Variants in PXDN observed in about 807,000 individuals in gnomAD.
PXDN encodes peroxidasin homolog.
In PXDN, 77 loss-of-function variants were observed where a neutral mutation model predicts 140.3. The observed-to-expected ratio is 0.55, with a 90% CI of 0.46 to 0.66. The LOEUF is 0.66. Among genes scored for constraint, PXDN ranks in the 30% least tolerant of loss-of-function variants. PXDN has a pLI of 0.00. For synonymous variants in PXDN, 911 were observed against 857.4 expected, an observed-to-expected ratio of 1.06 and a Z score of -1.09; for missense variants, 1,838 against 2,039.5, an observed-to-expected ratio of 0.90 and a Z score of 1.90.
At chr2:1,721,559 G>A (rs547834823) in intron 1 of PXDN, among the ~76,000 whole-genome samples, 26 of 152,308 alleles carry the variant, frequency 1.7e-4, no homozygotes, top group Admixed American at 4.6e-4. Flanking sequence ...CAAATTGGCC[G>A]GGTGCGGTGG....
chr2:1,675,155 T>C (rs1168203514), intron 8 of PXDN, among the ~76,000 whole-genome samples: 2 of 152,116 alleles, frequency 1.3e-5, no homozygotes, highest in Non-Finnish European at 2.9e-5. Flanking sequence ...CTCTCTCTGA[T>C]GTGGCCCAAT....
chr2:1,677,211 C>A (rs546681565), intron 7 of PXDN, among the ~76,000 whole-genome samples, 167 bp from the exon 8 acceptor site: 1 of 152,296 alleles, frequency 6.6e-6, no homozygotes, highest in South Asian at 2.1e-4. Context: ...TTCTCTACAG[C>A]CCCGTCTATG....
intron 1 of PXDN, among the ~76,000 whole-genome samples, chr2:1,710,611 C>G (rs1684734756): frequency 6.9e-6 from 1 of 144,084 alleles, no homozygotes; most frequent in Admixed American, 6.8e-5. Flanking sequence ...CCACTCTCCA[C>G]CAGCACCCAC....
Position 1,744,317 on chromosome 2 carries a change from C to T in PXDN, c.139G>A (p.Val47Met). ...PSRCLCFRTTVRCMHLLLEAV... is the reference protein window; with the variant it reads ...PSRCLCFRTTMRCMHLLLEAV... Reference sequence around the variant, plus strand: ...TCCAGCAGCAGATGCATGCAGCGCACGGTGGTGCGGAAGCACAGGCAGCGG... The same window carrying T: ...TCCAGCAGCAGATGCATGCAGCGCATGGTGGTGCGGAAGCACAGGCAGCGG... Residue 47 changes from valine (V) to methionine (M), a missense_variant, in exon 1 of 23, where the codon GTG becomes ATG. Physicochemically the swap from Val to Met is conservative, Grantham distance 21 (BLOSUM62 1). Transcript: ENST00000252804. 6.5e-7 allele frequency: 1 copy of T among 1,528,356 alleles called. No individual in the cohort carries two copies. Among genetic ancestry groups the T allele is most frequent in the Non-Finnish European group, 8.7e-7 (1 of 1,143,908 alleles). The allele number at this position is 1,528,356 out of a possible 1,614,324, so 94.7% of individuals were successfully genotyped here. A position where few individuals can be genotyped will look rare whatever the true frequency, so the allele number is the denominator to read the frequency against.
chr2:1,639,277 C>T lies in PXDN; in HGVS notation c.4073+25G>A, dbSNP rs538304764. ...GCGGTGCGAGGGCCCCTCTGCACAT[C>T]ATTTGACCTCAGAGACCACCATACC... On this transcript the variant is annotated intron_variant, in intron 20 of 22. Transcript: ENST00000252804. This position sits in a 1 kb window ranked among gnomAD's most constrained non-coding sequence, Gnocchi z 5.0. The T allele has an allele frequency of 4.1e-5, 66 of 1,603,348 alleles. No homozygotes were observed. The African/African-American group carries it at 7.3e-4, about 18-fold the overall frequency.
chr2:1,676,654 C>T (rs1683723795), intron 8 of PXDN: 2 of 499,634 alleles, frequency 4.0e-6, no homozygotes, highest in African/African-American at 1.9e-5. Flanking sequence ...CTCCCTCCCA[C>T]CGGGAAGGGC....
chr2:1,641,089 A>G (rs1682717495), intron 19 of PXDN, among the ~76,000 whole-genome samples: 1 of 152,256 alleles, frequency 6.6e-6, no homozygotes, highest in South Asian at 2.1e-4. Flanking sequence ...CACTTGTTGT[A>G]GGCATCAACG....
rs1684096561 is a variant in PXDN, at chr2:1,687,840, C to T, written c.345-137G>A. The T allele has an allele frequency of 7.9e-6, 5 of 636,800 alleles. No individual in the cohort carries two copies. The highest frequency in any genetic ancestry group is 3.0e-5 in the East Asian group (1 of 32,968). 39.4% of individuals were successfully genotyped at this position (636,800 alleles called of 1,614,324 possible). On this transcript the variant is annotated intron_variant, in intron 3 of 22. Transcript: ENST00000252804. The surrounding 1 kb of genome is among the most constrained non-coding windows in gnomAD (Gnocchi z 4.0). ...TTAGAATGCAAACAAACCATCTGCACGGTGAGTACAGTGCCTCTCCCAAGG... is the reference window on the plus strand; with the variant it reads ...TTAGAATGCAAACAAACCATCTGCATGGTGAGTACAGTGCCTCTCCCAAGG...
intron 1 of PXDN, among the ~76,000 whole-genome samples, chr2:1,736,882 C>CA (rs1275310583): frequency 2.6e-5 from 4 of 152,154 alleles, no homozygotes; most frequent in Non-Finnish European, 5.9e-5. Flanking sequence ...GGACAAAGGT[C>CA]AAATCAGGTA....
chr2:1,683,552 A>G (rs1290068792), intron 6 of PXDN, 104 bp downstream of exon 6: 7 of 460,936 alleles, frequency 1.5e-5, no homozygotes, highest in African/African-American at 2.9e-5. Flanking sequence ...TCAGAATCAG[A>G]TTGTTATCAA....
Position 1,643,448 on chromosome 2 carries a change from AC to A in PXDN, c.3871del (p.Val1291TrpfsTer17). 2 of 1,613,804 alleles carry A rather than the reference AC, an allele frequency of 1.2e-6. No homozygotes were observed. Among genetic ancestry groups the A allele is most frequent in the Non-Finnish European group, 1.7e-6 (2 of 1,179,860 alleles). ...ITRVQSDVFR[V>X]AEFPHGYGSC... is the part of the protein sequence containing the mutation. The stretch of plus-strand genomic sequence containing the variant: ...GCCGTAGCCGTGAGGGAACTCCGCC[AC>A]CCTGAACACGTCGCTCTGCACCCGG... On this transcript the variant is annotated frameshift_variant, in exon 19 of 23. Transcript: ENST00000252804. LOFTEE classifies it high-confidence loss of function.
At chr2:1,658,760 C>T (rs542070703) in intron 14 of PXDN, among the ~76,000 whole-genome samples, 89 of 144,568 alleles carry the variant, frequency 6.2e-4, no homozygotes, top group African/African-American at 2.1e-3. Context: ...CCCCACCCCC[C>T]GGCATCGGGC....
chr2:1,693,107 C>G lies in PXDN; in HGVS notation c.228G>C (p.Glu76Asp). Residue 76 changes from glutamate (E) to aspartate (D), a missense_variant, in exon 2 of 23, where the codon GAG becomes GAC. This residue lies in a region of PXDN where 231 missense variants were observed against 201.5 expected (regional missense o/e 1.15). Coordinates refer to ENST00000252804, the MANE Select transcript of PXDN (RefSeq NM_012293.3). ...GCCGCCTGAATGCCCCAGGTTGGAT[C>G]TCTCTGATTCTGTTAAAGCGAAGAT... is the stretch of plus-strand genomic sequence containing the variant. ...ILDLRFNRIR[E>D]IQPGAFRRLR... is the part of the protein sequence containing the mutation. 1 of 1,558,268 alleles carries G rather than the reference C, an allele frequency of 6.4e-7. No homozygotes were observed. Among genetic ancestry groups the G allele is most frequent in the Non-Finnish European group, 8.7e-7 (1 of 1,149,414 alleles).
In PXDN at chr2:1,684,171, A is replaced by G; in HGVS notation, c.417-20T>C. Reference sequence around the variant, plus strand: ...AGGTATCTAGAGGAGTTAAAAGAAAAAAAAGTATAACTTACAATTTATTTT... The same window carrying G: ...AGGTATCTAGAGGAGTTAAAAGAAAGAAAAGTATAACTTACAATTTATTTT... On this transcript the variant is annotated intron_variant, in intron 4 of 22. Transcript: ENST00000252804. The G allele has an allele frequency of 1.9e-6, 3 of 1,542,846 alleles. No homozygotes were observed. Among genetic ancestry groups the G allele is most frequent in the Non-Finnish European group, 2.6e-6 (3 of 1,139,044 alleles).
In PXDN at chr2:1,666,330, G is replaced by A. The variant is rs182483069; in HGVS notation, c.1175C>T (p.Thr392Met). The A allele has an allele frequency of 2.1e-4, 337 of 1,614,086 alleles. No individual in the cohort carries two copies. Among genetic ancestry groups the A allele is most frequent in the Non-Finnish European group, 2.7e-4 (324 of 1,179,904 alleles). Reference sequence around the variant, plus strand: ...CTGTATGTAAAGCCCGCCAGAAGGCGTGATGTTCACCCGCGGGTCAACTGG... The same window carrying A: ...CTGTATGTAAAGCCCGCCAGAAGGCATGATGTTCACCCGCGGGTCAACTGG... The part of the protein sequence containing the change: ...PLPVDPRVNI[T>M]PSGGLYIQNV... Residue 392 changes from threonine (T) to methionine (M), a missense_variant, in exon 10 of 23, where the codon ACG becomes ATG. This residue lies in a region of PXDN where 208 missense variants were observed against 325.8 expected (regional missense o/e 0.64). Coordinates refer to ENST00000252804, the MANE Select transcript of PXDN (RefSeq NM_012293.3).
chr2:1,688,772 T>G (rs1259539141), intron 3 of PXDN, among the ~76,000 whole-genome samples: 1 of 152,190 alleles, frequency 6.6e-6, no homozygotes, highest in Non-Finnish European at 1.5e-5. Flanking sequence ...CAAAATTGAT[T>G]ACTTATGCCT....
intron 8 of PXDN, among the ~76,000 whole-genome samples, chr2:1,674,530 G>A (rs1683652229): frequency 6.6e-6 from 1 of 152,202 alleles, no homozygotes; most frequent in Admixed American, 6.5e-5. Context: ...CTCCCCTGGG[G>A]CCATGCTGCA....
chr2:1,647,996 A>AG (rs542942461), intron 17 of PXDN, among the ~76,000 whole-genome samples, 176 bp downstream of exon 17: 161 of 151,814 alleles, frequency 1.1e-3, no homozygotes, highest in African/African-American at 3.5e-3. Flanking sequence ...CCCCACAACC[A>AG]CGCAGCCACG....
intron 1 of PXDN, among the ~76,000 whole-genome samples, chr2:1,729,706 T>G (rs566030098): frequency 6.6e-6 from 1 of 152,304 alleles, no homozygotes; most frequent in East Asian, 1.9e-4. Flanking sequence ...AAAAATCTAC[T>G]GAAATTTTTT....
Sources: gnomAD v4.1 joint callset for allele counts (sites outside exome capture counted in the v4.1 genomes callset) on GRCh38, gnomAD v4.1.1 for gene constraint, gnomAD v4.1.1 regional missense constraint, Gnocchi (gnomAD v3.1) non-coding constraint, MANE v1.5 for transcripts, NCBI Gene and HGNC (gene_info 2026-07-23, HGNC 2026-07-21) for gene names.